CERT1: variants seen among roughly 807,000 people sequenced by gnomAD.
The protein encoded by CERT1 is ceramide transfer protein.
In CERT1, 31 loss-of-function variants were observed where a neutral mutation model predicts 87.9. That is an observed-to-expected ratio of 0.35 (90% CI 0.27 to 0.48). The LOEUF is 0.48. Ranked by LOEUF, CERT1 falls within the 20% of genes least tolerant of loss-of-function variation. The probability of loss-of-function intolerance (pLI) is 0.99; values close to 1 mark genes in which losing one functional copy is unlikely to be tolerated. For synonymous variants in CERT1, 289 were observed against 250.9 expected, an observed-to-expected ratio of 1.15 and a Z score of -1.44; for missense variants, 487 against 758.0, an observed-to-expected ratio of 0.64 and a Z score of 4.20.
At chr5:75,448,438 A>T (rs1191865484) in intron 3 of CERT1, among the ~76,000 whole-genome samples, 1 of 152,150 alleles carries the variant, frequency 6.6e-6, no homozygotes, top group African/African-American at 2.4e-5. Flanking sequence ...TTCCTACCCC[A>T]ATGTTGTTTT....
chr5:75,444,635 C>T (rs1764463930), intron 3 of CERT1, among the ~76,000 whole-genome samples: 1 of 151,146 alleles, frequency 6.6e-6, no homozygotes. Context: ...CAACCTCCAC[C>T]TCCTGGGTTC....
At chr5:75,499,106 G>A (rs1391518234) in intron 2 of CERT1, among the ~76,000 whole-genome samples, 2 of 152,170 alleles carry the variant, frequency 1.3e-5, no homozygotes, top group Non-Finnish European at 2.9e-5. Context: ...TTTACCCACT[G>A]CCCATACCCT....
rs190893261 is a variant in CERT1, at chr5:75,381,170, T to C, written c.1649A>G (p.Asn550Ser). 1.2e-6 allele frequency: 2 copies of C among 1,614,174 alleles called. No homozygotes were observed. Among genetic ancestry groups the C allele is most frequent in the Non-Finnish European group, 1.7e-6 (2 of 1,180,020 alleles). Residue 550 changes from asparagine to serine, a missense_variant, in exon 16 of 17, where the codon AAT (asparagine) becomes AGT (serine). Asn to Ser is a conservative substitution (Grantham distance 46). Around this residue, in one of 8 missense-constraint regions of CERT1, gnomAD observed 147 missense variants for 200.8 expected, o/e 0.73. Transcript: ENST00000643780. The part of the protein sequence containing the change: ...LNNRCVRAKI[N>S]VAMICQTLVS... ...CAAGGTTTGACAAATCATAGCAACA[T>C]TTATTTTGGCACGGACACATCGGTT...
Position 75,449,259 on chromosome 5 carries a change from A to G in CERT1, c.348+9806T>C, listed in dbSNP as rs564297186. 2.0e-5 allele frequency among the ~76,000 whole-genome samples: 3 copies of G among 152,332 alleles called. No individual in the cohort carries two copies. In the East Asian group the frequency reaches 5.8e-4, roughly 29 times the overall value. On this transcript the variant is annotated intron_variant, in intron 3 of 16. Transcript: ENST00000643780. ...ACAGAAACTAAGAATAGGATAGGAGAGCAAAAGTTATGAATAAACAGGAAT... is the reference window on the plus strand; with the variant it reads ...ACAGAAACTAAGAATAGGATAGGAGGGCAAAAGTTATGAATAAACAGGAAT...
Position 75,425,416 on chromosome 5 carries a change from C to T in CERT1, c.540G>A (p.Lys180=). The T allele has an allele frequency of 6.2e-7, 1 of 1,614,078 alleles. No homozygotes were observed. Among genetic ancestry groups the T allele is most frequent in the South Asian group, 1.1e-5 (1 of 91,080 alleles). ...CAGCATCAGCACAGGCATCAAAGTA[C>T]TTCTGTAGCGTGTCAACTTGTCTAC... is the stretch of plus-strand genomic sequence containing the variant. ...ILCRQVDTLQ[K]YFDACADAVS... The change falls in exon 5 of 17, where the codon AAG becomes AAA. Residue 180 remains lysine (K), a synonymous_variant. Coordinates refer to ENST00000643780, the MANE Select transcript of CERT1 (RefSeq NM_001379029.1).
intron 1 of CERT1, 142 bp downstream of exon 1, chr5:75,510,970 C>A: frequency 1.7e-6 from 2 of 1,177,884 alleles, no homozygotes; most frequent in Non-Finnish European, 2.3e-6. Context: ...ATCCCCGCCT[C>A]ATCCCTAGTC....
chr5:75,474,214 C>T (rs1023556181), intron 2 of CERT1, among the ~76,000 whole-genome samples: 42 of 152,170 alleles, frequency 2.8e-4, no homozygotes, highest in Non-Finnish European at 2.2e-4. Flanking sequence ...TCACGTACCC[C>T]CTGCTTGCTC....
At chr5:75,390,320 C>T (rs1363623525) in intron 11 of CERT1, among the ~76,000 whole-genome samples, 1 of 152,042 alleles carries the variant, frequency 6.6e-6, no homozygotes, top group Non-Finnish European at 1.5e-5. Context: ...ATAATCAAAC[C>T]TTTATTTATT....
chr5:75,492,060 A>C (rs1240880662), intron 2 of CERT1, among the ~76,000 whole-genome samples: 1 of 152,154 alleles, frequency 6.6e-6, no homozygotes, highest in Admixed American at 6.5e-5. Context: ...ATCTGATAGT[A>C]ATGGCCAGGT....
chr5:75,404,152 C>A (rs1177993911), intron 8 of CERT1, among the ~76,000 whole-genome samples: 1 of 152,090 alleles, frequency 6.6e-6, no homozygotes, highest in African/African-American at 2.4e-5. Context: ...ATCGTCCTAT[C>A]CCCACCATAA....
intron 2 of CERT1, among the ~76,000 whole-genome samples, chr5:75,469,395 T>C (rs1765614097): frequency 6.6e-6 from 1 of 152,108 alleles, no homozygotes; most frequent in African/African-American, 2.4e-5. Context: ...GAAAGGTTAT[T>C]CAAAGAATAA....
At chr5:75,400,440 G>A (rs1432391862) in intron 9 of CERT1, 143 bp from the exon 10 acceptor site, 14 of 553,702 alleles carry the variant, frequency 2.5e-5, no homozygotes, top group East Asian at 8.9e-5. Context: ...AAACTACTCC[G>A]CAGACATGGC....
chr5:75,491,981 CT>C (rs1260869596), intron 2 of CERT1, among the ~76,000 whole-genome samples: 1 of 152,066 alleles, frequency 6.6e-6, no homozygotes, highest in East Asian at 1.9e-4. Flanking sequence ...CACCTTTTTC[CT>C]GATAATACAT....
At chr5:75,384,529 G>A in intron 14 of CERT1, 113 bp downstream of exon 14, 1 of 651,024 alleles carries the variant, frequency 1.5e-6, no homozygotes, top group Non-Finnish European at 2.7e-6. Flanking sequence ...ATTTAATAAA[G>A]TCTTTGGATT....
intron 2 of CERT1, among the ~76,000 whole-genome samples, chr5:75,478,282 C>T (rs893123233): frequency 1.3e-5 from 2 of 151,346 alleles, no homozygotes; most frequent in African/African-American, 4.9e-5. Flanking sequence ...CTGCTGCATT[C>T]CAGCCTGGGT....
intron 5 of CERT1, among the ~76,000 whole-genome samples, chr5:75,424,286 TGA>T (rs768826445): frequency 2.0e-5 from 3 of 151,942 alleles, no homozygotes; most frequent in African/African-American, 4.8e-5. Flanking sequence ...AGGGAGAGAC[TGA>T]GAGAGAGAGG....
At chr5:75,443,466 A>T (rs1185871930) in intron 3 of CERT1, among the ~76,000 whole-genome samples, 1 of 152,170 alleles carries the variant, frequency 6.6e-6, no homozygotes, top group Non-Finnish European at 1.5e-5. Flanking sequence ...TTTAACTTCC[A>T]TGATTCTGTA....
At chr5:75,490,862 T>G (rs1317562091) in intron 2 of CERT1, among the ~76,000 whole-genome samples, 1 of 152,168 alleles carries the variant, frequency 6.6e-6, no homozygotes, top group East Asian at 1.9e-4. Context: ...AGATAATCTA[T>G]TGTCATTTTC....
chr5:75,489,561 C>T (rs373928559), intron 2 of CERT1, among the ~76,000 whole-genome samples: 1 of 151,274 alleles, frequency 6.6e-6, no homozygotes, highest in African/African-American at 2.4e-5. Flanking sequence ...GAAAAAAAAT[C>T]AAAAAATGGA....
Sources: gnomAD v4.1 joint callset for allele counts (sites outside exome capture counted in the v4.1 genomes callset) on GRCh38, gnomAD v4.1.1 for gene constraint, gnomAD v4.1.1 regional missense constraint, MANE v1.5 for transcripts, NCBI Gene and HGNC (gene_info 2026-07-23, HGNC 2026-07-21) for gene names.